The following ZNF771 variants were observed in gnomAD, a reference collection of about 807,000 sequenced individuals.
The protein encoded by ZNF771 is mesenchymal stem cell protein DSC43.
Under a neutral mutation model 27.6 loss-of-function variants are expected in ZNF771, and 10 were observed. The observed-to-expected ratio is 0.36, with a 90% CI of 0.22 to 0.61. The LOEUF is 0.61. ZNF771 is among the 20% of genes least tolerant of loss of function. The pLI, the probability that ZNF771 is intolerant of heterozygous loss-of-function variation, is 0.70. For synonymous variants in ZNF771, 261 were observed against 225.2 expected (o/e 1.16, Z -1.43); for missense variants, 438 against 503.7 (o/e 0.87, Z 1.25).
chr16:30,407,996 G>A (rs1181207553), intron 1 of ZNF771, 49 bp from the exon 2 acceptor site: 1 of 891,272 alleles, frequency 1.1e-6, no homozygotes, highest in African/African-American at 1.8e-5. Context: ...GCGGGGGGGG[G>A]GGTGGGGGGG....
At position 30,407,987 on chromosome 16, in the gene ZNF771, C is replaced by CGGGG. The variant is rs1205134281; in HGVS notation, c.-9-50_-9-47dup. On this transcript the variant is annotated intron_variant, in intron 1 of 2. Transcript: ENST00000319296. Reference sequence around the variant, plus strand: ...CTTGCTGGGCCAGGGCCACGGTGGGCGGGGGGGGGGGTGGGGGGGGGCGGG... The same window carrying CGGGG: ...CTTGCTGGGCCAGGGCCACGGTGGGCGGGGGGGGGGGGGGGTGGGGGGGGGCGGG... 3.9e-5 allele frequency: 28 copies of CGGGG among 719,838 alleles called. No homozygotes were observed. The African/African-American group carries it at 4.3e-4, about 11-fold the overall frequency. 44.6% of individuals were successfully genotyped at this position (719,838 alleles called of 1,614,324 possible).
In ZNF771 at chr16:30,418,593, T is replaced by A. The variant is rs1303580081; in HGVS notation, c.*226T>A. The A allele has an allele frequency of 4.6e-6, 2 of 433,618 alleles. No homozygotes were observed. 26.9% of individuals were successfully genotyped at this position (433,618 alleles called of 1,614,324 possible). A position where few individuals can be genotyped will look rare whatever the true frequency, so the allele number is the denominator to read the frequency against. ...TGTTAGTGAATAAAGTATTATATCCTCACCCCACCCGTGCCTGTGAGTGAG... is the reference window on the plus strand; with the variant it reads ...TGTTAGTGAATAAAGTATTATATCCACACCCCACCCGTGCCTGTGAGTGAG... On this transcript the variant is annotated 3_prime_UTR_variant, in exon 3 of 3. Coordinates refer to ENST00000319296, the MANE Select transcript of ZNF771 (RefSeq NM_001142305.2).
intron 2 of ZNF771, among the ~76,000 whole-genome samples, chr16:30,412,007 T>A (rs2050106250): frequency 6.6e-6 from 1 of 152,198 alleles, no homozygotes; most frequent in South Asian, 2.1e-4. Context: ...GCTTGAACCC[T>A]TGAGTGGTTT....
At chr16:30,412,597 AGCCTGGGCAACATG>A (rs2050109978) in intron 2 of ZNF771, among the ~76,000 whole-genome samples, 1 of 152,160 alleles carries the variant, frequency 6.6e-6, no homozygotes, top group Admixed American at 6.6e-5. Context: ...GTTCGAGACC[AGCCTGGGCAACATG>A]GCAAAACCCC....
chr16:30,410,127 G>A (rs1471123979), intron 2 of ZNF771, among the ~76,000 whole-genome samples: 4 of 149,004 alleles, frequency 2.7e-5, no homozygotes, highest in African/African-American at 5.0e-5. Flanking sequence ...TTTTTGAGAC[G>A]GAGTCTCACT....
chr16:30,410,284 G>A (rs759730562), intron 2 of ZNF771, among the ~76,000 whole-genome samples: 18 of 152,046 alleles, frequency 1.2e-4, no homozygotes, highest in Non-Finnish European at 2.2e-4. Context: ...TGTATTTTTA[G>A]TAGAGGTGGG....
rs2050084449 is a variant in ZNF771, at chr16:30,407,976, G to T, written c.-9-69G>T. On this transcript the variant is annotated intron_variant, in intron 1 of 2. Coordinates refer to ENST00000319296, the MANE Select transcript of ZNF771 (RefSeq NM_001142305.2). ...GGCTGCACTGCCTTGCTGGGCCAGG[G>T]CCACGGTGGGCGGGGGGGGGGGTGG... The T allele has an allele frequency of 3.4e-6, 4 of 1,184,518 alleles. No homozygotes were observed. The African/African-American group carries it at 5.2e-5, about 16-fold the overall frequency. The allele number at this position is 1,184,518 out of a possible 1,614,324, so 73.4% of individuals were successfully genotyped here.
At chr16:30,415,602 T>C (rs6565184) in intron 2 of ZNF771, among the ~76,000 whole-genome samples, 5,812 of 152,058 alleles carry the variant, frequency 0.038, 403 homozygotes, top group African/African-American at 0.13. Context: ...AGGCTGGGCT[T>C]GAACTCCTGA....
chr16:30,408,736 T>C (rs1399957079), intron 2 of ZNF771, among the ~76,000 whole-genome samples: 1 of 152,186 alleles, frequency 6.6e-6, no homozygotes, highest in African/African-American at 2.4e-5. Context: ...AGTAAAAGGA[T>C]GGCTTATGTG....
chr16:30,410,180 C>T (rs558377799), intron 2 of ZNF771, among the ~76,000 whole-genome samples: 6 of 151,790 alleles, frequency 4.0e-5, no homozygotes, highest in South Asian at 2.1e-4. Context: ...CTTGGTTCAC[C>T]GCACCTCCAC....
At position 30,418,778 on chromosome 16, in the gene ZNF771, A is replaced by G. The variant is rs1214571743; in HGVS notation, c.*411A>G. ...CTTGGCCCTTGGTTACGTCCTCATA[A>G]CCTTAGACCTGAAAGGGCCCATAAA... On this transcript the variant is annotated 3_prime_UTR_variant, in exon 3 of 3. Transcript: ENST00000319296. 1.0e-5 allele frequency: 2 copies of G among 192,766 alleles called. No homozygotes were observed. Among genetic ancestry groups the G allele is most frequent in the Non-Finnish European group, 2.1e-5 (2 of 95,704 alleles). The allele number at this position is 192,766 out of a possible 1,614,324, so 11.9% of individuals were successfully genotyped here.
Position 30,418,094 on chromosome 16 carries a change from CG to C in ZNF771, c.682del (p.Glu228ArgfsTer43). 2 of 1,480,566 alleles carry C rather than the reference CG, an allele frequency of 1.4e-6. No individual in the cohort carries two copies. The allele number at this position is 1,480,566 out of a possible 1,614,324, so 91.7% of individuals were successfully genotyped here. A position where few individuals can be genotyped will look rare whatever the true frequency, so the allele number is the denominator to read the frequency against. Reference sequence around the variant, plus strand: ...CCAAGCACCGGCGCGTGCACACGGGCGAGAAGCCGCACCGCTGCGCTGTGTG... The same window carrying C: ...CCAAGCACCGGCGCGTGCACACGGGCAGAAGCCGCACCGCTGCGCTGTGTG... ...LAKHRRVHTG[E>X]KPHRCAVCGR... On this transcript the variant is annotated frameshift_variant, in exon 3 of 3. Transcript: ENST00000319296. LOFTEE classifies it high-confidence loss of function.
rs1022442977 is a variant in ZNF771, at chr16:30,418,089, A to G, written c.676A>G (p.Thr226Ala). 1.4e-6 allele frequency: 2 copies of G among 1,479,146 alleles called. No individual in the cohort carries two copies. The allele number at this position is 1,479,146 out of a possible 1,614,324, so 91.6% of individuals were successfully genotyped here. The change falls in exon 3 of 3, where the codon ACG (threonine) becomes GCG (alanine). Residue 226 changes from threonine to alanine, a missense_variant. Coordinates refer to ENST00000319296, the MANE Select transcript of ZNF771 (RefSeq NM_001142305.2). Reference protein sequence around the residue: ...SALAKHRRVHTGEKPHRCAVC... With the variant: ...SALAKHRRVHAGEKPHRCAVC... ...GCTGGCCAAGCACCGGCGCGTGCAC[A>G]CGGGCGAGAAGCCGCACCGCTGCGC...
At chr16:30,417,418 C>A (rs1204607231) in intron 2 of ZNF771, 137 bp from the exon 3 acceptor site, 1 of 470,708 alleles carries the variant, frequency 2.1e-6, no homozygotes, top group Non-Finnish European at 3.2e-6. Context: ...GCACAGCCAT[C>A]CTGGGAGGCA....
Position 30,418,268 on chromosome 16 carries a change from C to T in ZNF771, c.855C>T (p.Arg285=). 2 of 1,511,830 alleles carry T rather than the reference C, an allele frequency of 1.3e-6. No homozygotes were observed. The highest frequency in any genetic ancestry group is 1.8e-6 in the Non-Finnish European group (2 of 1,136,960). 93.7% of individuals were successfully genotyped at this position (1,511,830 alleles called of 1,614,324 possible). The stretch of plus-strand genomic sequence containing the variant: ...ACCGACGCGCGCACATGCGGCGCCG[C>T]CTGTATATTTGCGCCGGCTGCGGCA... ...IRHRRAHMRR[R]LYICAGCGRD... Residue 285 remains arginine (R), a synonymous_variant, in exon 3 of 3, where the codon CGC becomes CGT. Transcript: ENST00000319296.
chr16:30,408,216 G>A, intron 2 of ZNF771, 22 bp downstream of exon 2: 1 of 1,613,578 alleles, frequency 6.2e-7, no homozygotes, highest in Non-Finnish European at 8.5e-7. Context: ...ACACACCCTG[G>A]GGCACACTGT....
In ZNF771 at chr16:30,418,522, C is replaced by T; in HGVS notation, c.*155C>T. 1.4e-6 allele frequency: 1 copy of T among 726,132 alleles called. No homozygotes were observed. Among genetic ancestry groups the T allele is most frequent in the Non-Finnish European group, 2.1e-6 (1 of 487,740 alleles). 45.0% of individuals were successfully genotyped at this position (726,132 alleles called of 1,614,324 possible). A position where few individuals can be genotyped will look rare whatever the true frequency, so the allele number is the denominator to read the frequency against. ...GACAGGGAGAATCCCCTGCCGGGGT[C>T]CCTGGAAACAGTGCCCACCCCACAT... On this transcript the variant is annotated 3_prime_UTR_variant, in exon 3 of 3. Coordinates refer to ENST00000319296, the MANE Select transcript of ZNF771 (RefSeq NM_001142305.2).
rs2151122913 is a variant in ZNF771 at position 30,408,202 on chromosome 16, T to G, written c.141+8T>G. On this transcript the variant is annotated splice_region_variant and intron_variant, in intron 2 of 2. Transcript: ENST00000319296. ...CCCATGGACAACAAGGAGGTATGTGTCACACACACCCTGGGGCACACTGTC... is the reference window on the plus strand; with the variant it reads ...CCCATGGACAACAAGGAGGTATGTGGCACACACACCCTGGGGCACACTGTC... 1 of 1,613,648 alleles carries G rather than the reference T, an allele frequency of 6.2e-7. No individual in the cohort carries two copies. Among genetic ancestry groups the G allele is most frequent in the South Asian group, 1.1e-5 (1 of 91,078 alleles).
intron 2 of ZNF771, 71 bp from the exon 3 acceptor site, chr16:30,417,484 G>A (rs1169149096): frequency 2.8e-6 from 3 of 1,055,856 alleles, no homozygotes; most frequent in South Asian, 4.8e-5. Context: ...AGAGGGAGCA[G>A]CCTGTGGAGA....
Sources: allele counts gnomAD v4.1 joint callset (sites outside exome capture counted in the v4.1 genomes callset), GRCh38; gene constraint gnomAD v4.1.1; transcripts MANE v1.5; gene names NCBI Gene and HGNC (gene_info 2026-07-23, HGNC 2026-07-21).